Variants in COTL1 observed in about 807,000 individuals in gnomAD.
COTL1 encodes coactosin like F-actin binding protein 1, also known as coactosin-like protein.
In COTL1, 15 loss-of-function variants were observed where a neutral mutation model predicts 16.5. The ratio of observed to expected loss-of-function variants is 0.91; its 90% confidence interval spans 0.61 to 1.40. COTL1 has a LOEUF of 1.40. Ranked by LOEUF, COTL1 falls within the 40% of genes most tolerant of loss-of-function variation. COTL1 has a pLI of 0.00. For synonymous variants in COTL1, 112 were observed against 85.3 expected (o/e 1.31, Z -1.73); for missense variants, 220 against 201.5 (o/e 1.09, Z -0.56).
chr16:84,589,102 C>G (rs952220702), intron 3 of COTL1, among the ~76,000 whole-genome samples: 1 of 152,104 alleles, frequency 6.6e-6, no homozygotes, highest in South Asian at 2.1e-4. Context: ...TCCCAAGTAG[C>G]TGGGACTACA....
chr16:84,617,349 T>C (rs1048943423), intron 2 of COTL1, 152 bp downstream of exon 2: 1 of 684,030 alleles, frequency 1.5e-6, no homozygotes, highest in Admixed American at 2.7e-5. Flanking sequence ...TTATGAGGCC[T>C]TAAAACGCTC....
At chr16:84,591,922 C>T (rs991042316) in intron 2 of COTL1, among the ~76,000 whole-genome samples, 13 of 151,600 alleles carry the variant, frequency 8.6e-5, no homozygotes, top group South Asian at 6.2e-4. Context: ...CATGTGTGTG[C>T]GTGTGCATGC....
At chr16:84,594,288 G>A (rs1314744091) in intron 2 of COTL1, 1 of 152,314 alleles carries the variant, frequency 6.6e-6, no homozygotes, top group Non-Finnish European at 1.5e-5. Flanking sequence ...CATCAGGGTG[G>A]AACCTCCAAC....
At chr16:84,605,789 T>G (rs1004520456) in intron 2 of COTL1, among the ~76,000 whole-genome samples, 2 of 152,262 alleles carry the variant, frequency 1.3e-5, no homozygotes, top group African/African-American at 2.4e-5. Context: ...TGTCAGACTT[T>G]TGACTTGCAG....
chr16:84,573,327 C>T (rs904919878), intron 3 of COTL1, among the ~76,000 whole-genome samples: 2 of 152,224 alleles, frequency 1.3e-5, no homozygotes, highest in Non-Finnish European at 2.9e-5. Flanking sequence ...AGCAACAGCG[C>T]AGGTCTAGAC....
intron 2 of COTL1, among the ~76,000 whole-genome samples, chr16:84,615,853 TTGTGTGTGTGTG>T (rs112335989): frequency 6.7e-6 from 1 of 149,702 alleles, no homozygotes; most frequent in Non-Finnish European, 1.5e-5. Flanking sequence ...AATTTTAGTT[TTGTGTGTGTGTG>T]TGTGTGTGTG....
Position 84,590,538 on chromosome 16 carries a change from T to C in COTL1, c.161-276A>G, listed in dbSNP as rs1343757740. On this transcript the variant is annotated intron_variant, in intron 2 of 3. Coordinates refer to ENST00000262428, the MANE Select transcript of COTL1 (RefSeq NM_021149.5). The surrounding 1 kb of genome is among the most constrained non-coding windows in gnomAD (Gnocchi z 5.5). ...GAGAAGTCACATGGCACTTTCAAGG[T>C]TGTGAGGGAATTCAAGGTCATGCTG... is the stretch of plus-strand genomic sequence containing the variant. 1.0e-5 allele frequency: 3 copies of C among 299,398 alleles called. No homozygotes were observed. Among genetic ancestry groups the C allele is most frequent in the East Asian group, 6.3e-5 (1 of 15,978 alleles). 18.5% of individuals were successfully genotyped at this position (299,398 alleles called of 1,614,324 possible). A position where few individuals can be genotyped will look rare whatever the true frequency, so the allele number is the denominator to read the frequency against.
At chr16:84,599,086 C>A (rs541817081) in intron 2 of COTL1, among the ~76,000 whole-genome samples, 4 of 151,076 alleles carry the variant, frequency 2.6e-5, no homozygotes, top group Non-Finnish European at 4.4e-5. Flanking sequence ...CCCCTCCCCC[C>A]CTTCCCCCTC....
chr16:84,613,318 A>C (rs1295506004), intron 2 of COTL1, among the ~76,000 whole-genome samples: 2 of 152,162 alleles, frequency 1.3e-5, no homozygotes, highest in Non-Finnish European at 2.9e-5. Context: ...TTCTGATTCC[A>C]AAGTGTACTC....
At chr16:84,570,250 T>C (rs1904319222) in intron 3 of COTL1, among the ~76,000 whole-genome samples, 1 of 152,326 alleles carries the variant, frequency 6.6e-6, no homozygotes, top group Non-Finnish European at 1.5e-5. Context: ...CACTCCAGCC[T>C]GGCAACAGAG....
chr16:84,617,577 A>G lies in COTL1; in HGVS notation c.84T>C (p.Thr28=). Residue 28 remains threonine (T), a synonymous_variant, in exon 2 of 4, where the codon ACT becomes ACC. Coordinates refer to ENST00000262428, the MANE Select transcript of COTL1 (RefSeq NM_021149.5). ...RDDGSAVIWV[T]FKYDGSTIVP... is the part of the protein sequence containing the mutation. Reference sequence around the variant, plus strand: ...CGATGGTGGAGCCGTCATATTTAAAAGTCACCCTTTGGGTTGGGAGAAGAA... The same window carrying G: ...CGATGGTGGAGCCGTCATATTTAAAGGTCACCCTTTGGGTTGGGAGAAGAA... 2 of 1,555,662 alleles carry G rather than the reference A, an allele frequency of 1.3e-6. No individual in the cohort carries two copies. The highest frequency in any genetic ancestry group is 1.7e-6 in the Non-Finnish European group (2 of 1,148,898).
chr16:84,617,505 G>A lies in COTL1; in HGVS notation c.156C>T (p.Cys52=), dbSNP rs1189609590. Residue 52 remains cysteine (C), a synonymous_variant, in exon 2 of 4, where the codon TGC becomes TGT. Transcript: ENST00000262428. ...CCGGCAGGCGCGCCTCCCTACCTGT[G>A]CACTGCTGGATGAAGTGCTGGTACT... is the stretch of plus-strand genomic sequence containing the variant. The part of the protein sequence containing the change: ...GAEYQHFIQQ[C]TDDVRLFAFV... The A allele has an allele frequency of 6.4e-7, 1 of 1,552,766 alleles. No homozygotes were observed.
At chr16:84,585,843 G>A (rs746300916) in intron 3 of COTL1, among the ~76,000 whole-genome samples, 1 of 152,232 alleles carries the variant, frequency 6.6e-6, no homozygotes, top group African/African-American at 2.4e-5. Flanking sequence ...GGTGGAAAAT[G>A]CAAATGATAA....
intron 2 of COTL1, among the ~76,000 whole-genome samples, chr16:84,602,847 T>C (rs1002321030): frequency 1.4e-5 from 2 of 145,436 alleles, no homozygotes; most frequent in South Asian, 2.1e-4. Flanking sequence ...AGAGACTTCA[T>C]CTCAAAAAAA....
chr16:84,581,660 T>C (rs1904597498), intron 3 of COTL1, among the ~76,000 whole-genome samples: 1 of 151,944 alleles, frequency 6.6e-6, no homozygotes, highest in African/African-American at 2.4e-5. Flanking sequence ...TGTGCCACTA[T>C]GCCCAGCCTA....
chr16:84,574,118 T>C (rs1904397538), intron 3 of COTL1, among the ~76,000 whole-genome samples: 1 of 151,868 alleles, frequency 6.6e-6, no homozygotes, highest in Admixed American at 6.6e-5. Flanking sequence ...CCGTGAGCCA[T>C]GATCGCACCA....
At chr16:84,584,097 G>C (rs1904663832) in intron 3 of COTL1, among the ~76,000 whole-genome samples, 1 of 152,200 alleles carries the variant, frequency 6.6e-6, no homozygotes, top group African/African-American at 2.4e-5. Context: ...ATCCTGCAGA[G>C]ACACGAGAAC....
At chr16:84,614,579 G>A (rs1336422910) in intron 2 of COTL1, among the ~76,000 whole-genome samples, 4 of 152,100 alleles carry the variant, frequency 2.6e-5, no homozygotes, top group Admixed American at 6.5e-5. Context: ...GTGCCAGAGT[G>A]GGGAGGGTTG....
chr16:84,579,643 C>T (rs1904534451), intron 3 of COTL1, among the ~76,000 whole-genome samples: 1 of 152,224 alleles, frequency 6.6e-6, no homozygotes, highest in Non-Finnish European at 1.5e-5. Flanking sequence ...CACTTAGCTC[C>T]TGCATTTTGT....
Sources: allele counts gnomAD v4.1 joint callset (sites outside exome capture counted in the v4.1 genomes callset), GRCh38; gene constraint gnomAD v4.1.1; non-coding constraint Gnocchi (gnomAD v3.1); transcripts MANE v1.5; gene names NCBI Gene and HGNC (gene_info 2026-07-23, HGNC 2026-07-21).